PMEPA1: variants seen among roughly 807,000 people sequenced by gnomAD.
The protein encoded by PMEPA1 is prostate transmembrane protein, androgen induced 1, also known as protein TMEPAI.
PMEPA1 carries 11 observed loss-of-function variants against 23.0 expected under a neutral mutation model. That is an observed-to-expected ratio of 0.48 (90% CI 0.30 to 0.79). The LOEUF (loss-of-function observed/expected upper bound fraction) is 0.79, where lower values mean the gene tolerates loss of function less well. PMEPA1 is among the 30% of genes least tolerant of loss of function. The pLI, the probability that PMEPA1 is intolerant of heterozygous loss-of-function variation, is 0.06. For synonymous variants in PMEPA1, 204 were observed against 166.4 expected (o/e 1.23, Z -1.74); for missense variants, 377 against 390.9 (o/e 0.96, Z 0.30).
chr20:57,701,871 G>A (rs1001487367), intron 1 of PMEPA1, among the ~76,000 whole-genome samples: 1 of 152,112 alleles, frequency 6.6e-6, no homozygotes, highest in Non-Finnish European at 1.5e-5. Flanking sequence ...CCAGGTTCAG[G>A]GACACAACCA....
At position 57,652,681 on chromosome 20, in the gene PMEPA1, T is replaced by A; in HGVS notation, c.319-83A>T. 8.5e-7 allele frequency: 1 copy of A among 1,181,078 alleles called. No homozygotes were observed. The highest frequency in any genetic ancestry group is 1.2e-6 in the Non-Finnish European group (1 of 866,886). 73.2% of individuals were successfully genotyped at this position (1,181,078 alleles called of 1,614,324 possible). A position where few individuals can be genotyped will look rare whatever the true frequency, so the allele number is the denominator to read the frequency against. ...AGCGATCCTGAGACTGGAGTTCTGC[T>A]GCATGGGACTTGGCTCTCTGGGGAA... is the stretch of plus-strand genomic sequence containing the variant. On this transcript the variant is annotated intron_variant, in intron 3 of 3. Transcript: ENST00000341744. This position sits in a 1 kb window ranked among gnomAD's most constrained non-coding sequence, Gnocchi z 6.1.
chr20:57,660,843 A>C (rs1263064353), intron 1 of PMEPA1, among the ~76,000 whole-genome samples: 1 of 151,888 alleles, frequency 6.6e-6, no homozygotes, highest in Non-Finnish European at 1.5e-5. Context: ...CGTCAACACC[A>C]ACACACGACC....
chr20:57,667,506 C>T (rs1239935809), intron 1 of PMEPA1, among the ~76,000 whole-genome samples: 2 of 152,092 alleles, frequency 1.3e-5, no homozygotes, highest in African/African-American at 4.8e-5. Flanking sequence ...AGAGTCCACC[C>T]GGCTCCTGCC....
chr20:57,706,507 T>G (rs2072090782), intron 1 of PMEPA1, among the ~76,000 whole-genome samples: 1 of 152,086 alleles, frequency 6.6e-6, no homozygotes, highest in Non-Finnish European at 1.5e-5. Flanking sequence ...GAACACTGAA[T>G]TCCCACCAGA....
At chr20:57,710,109 C>G (rs925898440), upstream of PMEPA1, 1 of 872,304 alleles carries the variant, frequency 1.1e-6, no homozygotes, top group Non-Finnish European at 1.4e-6. Context: ...CCCCGCACCC[C>G]CTCCCCGAGC....
chr20:57,680,397 G>T (rs938762213), intron 1 of PMEPA1, among the ~76,000 whole-genome samples: 1 of 152,182 alleles, frequency 6.6e-6, no homozygotes, highest in African/African-American at 2.4e-5. Flanking sequence ...ACTTGTGGTT[G>T]CCACAACTGG....
chr20:57,684,636 G>A (rs895714522), intron 1 of PMEPA1, among the ~76,000 whole-genome samples: 4 of 152,224 alleles, frequency 2.6e-5, no homozygotes, highest in African/African-American at 4.8e-5. Context: ...TTTTCACTGC[G>A]GTAACAATGA....
At position 57,655,109 on chromosome 20, in the gene PMEPA1, G is replaced by A. The variant is rs2071309069; in HGVS notation, c.265-2023C>T. On this transcript the variant is annotated intron_variant, in intron 2 of 3. Coordinates refer to ENST00000341744, the MANE Select transcript of PMEPA1 (RefSeq NM_020182.5). This position sits in a 1 kb window ranked among gnomAD's most constrained non-coding sequence, Gnocchi z 4.2. Reference sequence around the variant, plus strand: ...TTTCCTATCTGTATAGCGGGCTGATGACAGCGCCTGCAATGCACCATACAG... The same window carrying A: ...TTTCCTATCTGTATAGCGGGCTGATAACAGCGCCTGCAATGCACCATACAG... Among the ~76,000 whole-genome samples, 1 of 152,194 alleles carries A rather than the reference G, an allele frequency of 6.6e-6. No homozygotes were observed.
Position 57,682,653 on chromosome 20 carries a change from T to C in PMEPA1, c.110-22956A>G, listed in dbSNP as rs1187914168. On this transcript the variant is annotated intron_variant, in intron 1 of 3. Transcript: ENST00000341744. This position sits in a 1 kb window ranked among gnomAD's most constrained non-coding sequence, Gnocchi z 4.4. ...CTGTGACCCACACTCCTCCAGTTTTTGATTTAAAAAAAATCCCTGAAACAG... is the reference window on the plus strand; with the variant it reads ...CTGTGACCCACACTCCTCCAGTTTTCGATTTAAAAAAAATCCCTGAAACAG... Among the ~76,000 whole-genome samples the C allele has an allele frequency of 1.7e-5, 2 of 117,808 alleles. No individual in the cohort carries two copies. The highest frequency in any genetic ancestry group is 4.8e-4 in the East Asian group (2 of 4,172). 77.3% of individuals were successfully genotyped at this position (117,808 alleles called of 152,430 possible).
chr20:57,687,253 TCCTGTGCCTGGGGCA>T (rs1308505306), intron 1 of PMEPA1, among the ~76,000 whole-genome samples: 7 of 152,214 alleles, frequency 4.6e-5, no homozygotes, highest in South Asian at 2.1e-4. Context: ...CCAGGTGATC[TCCTGTGCCTGGGGCA>T]CCTGTGCCTG....
intron 1 of PMEPA1, among the ~76,000 whole-genome samples, chr20:57,693,934 G>A (rs2071914586): frequency 6.6e-6 from 1 of 152,210 alleles, no homozygotes; most frequent in Non-Finnish European, 1.5e-5. Flanking sequence ...ATTCAGGCTG[G>A]AGCCTCATCA....
rs145239374 is a variant in PMEPA1, at chr20:57,659,642, C to A, written c.165G>T (p.Val55=). 164 of 1,609,164 alleles carry A rather than the reference C, an allele frequency of 1.0e-4. 1 individual carries two copies. In the East Asian group the frequency reaches 1.5e-3, roughly 15 times the overall value. Residue 55 remains valine (V), a synonymous_variant, in exon 2 of 4, where the codon GTG becomes GTT. Transcript: ENST00000341744. ...GGCTCAGCAGGCACGTGATCACCAC[C>A]ACCATCACCATCATCACCACCACGA... The part of the protein sequence containing the change: ...IIIVVVMMVM[V]VVITCLLSHY...
chr20:57,708,266 G>A (rs924838378), intron 1 of PMEPA1, among the ~76,000 whole-genome samples: 8 of 152,224 alleles, frequency 5.3e-5, no homozygotes, highest in Non-Finnish European at 1.0e-4. Context: ...GAAGGACTGT[G>A]TGCCCCTTCA....
At chr20:57,673,306 C>T (rs2071594549) in intron 1 of PMEPA1, among the ~76,000 whole-genome samples, 1 of 152,178 alleles carries the variant, frequency 6.6e-6, no homozygotes. Flanking sequence ...CCACTTCCTT[C>T]TCTGGCTGTC....
chr20:57,690,773 G>C, intron 1 of PMEPA1: 2 of 306,748 alleles, frequency 6.5e-6, no homozygotes, highest in South Asian at 6.2e-5. Context: ...GAGCCTGGCC[G>C]TCTACTCCTC....
In PMEPA1 at chr20:57,671,029, C is replaced by T. The variant is rs7263636; in HGVS notation, c.110-11332G>A. Among the ~76,000 whole-genome samples, 905 of 152,202 alleles carry T rather than the reference C, an allele frequency of 5.9e-3. 14 individuals are homozygous for T. The highest frequency in any genetic ancestry group is 0.02 in the African/African-American group (828 of 41,520). ...TGCATTCAGGGAACAGGAAAGTAAA[C>T]GGTCTCTAGAATCATTTTAGAACCT... is the stretch of plus-strand genomic sequence containing the variant. On this transcript the variant is annotated intron_variant, in intron 1 of 3. Transcript: ENST00000341744.
chr20:57,657,749 T>C (rs118126767), intron 2 of PMEPA1, among the ~76,000 whole-genome samples: 3,112 of 152,352 alleles, frequency 0.02, 54 homozygotes, highest in Non-Finnish European at 0.031. Context: ...GGCTAGGGAC[T>C]GTGGCCAACA....
At chr20:57,664,448 A>G (rs2071465230) in intron 1 of PMEPA1, among the ~76,000 whole-genome samples, 1 of 152,222 alleles carries the variant, frequency 6.6e-6, no homozygotes, top group South Asian at 2.1e-4. Flanking sequence ...GGGGAGAGAA[A>G]GGTGCCTCCC....
At chr20:57,686,084 G>T (rs2071797298) in intron 1 of PMEPA1, among the ~76,000 whole-genome samples, 1 of 152,198 alleles carries the variant, frequency 6.6e-6, no homozygotes, top group Non-Finnish European at 1.5e-5. Context: ...ATGCAGCCAA[G>T]GTTCCAAGGG....
Sources: allele counts gnomAD v4.1 joint callset (sites outside exome capture counted in the v4.1 genomes callset), GRCh38; gene constraint gnomAD v4.1.1; non-coding constraint Gnocchi (gnomAD v3.1); transcripts MANE v1.5; gene names NCBI Gene and HGNC (gene_info 2026-07-23, HGNC 2026-07-21).